ZBTB48: variants seen among roughly 807,000 people sequenced by gnomAD.
ZBTB48 encodes the protein zinc finger and BTB domain containing 48, also known as zinc finger and BTB domain-containing protein 48.
In ZBTB48, 35 loss-of-function variants were observed where a neutral mutation model predicts 64.5. The observed-to-expected ratio is 0.54, with a 90% CI of 0.41 to 0.72. The LOEUF is 0.72. Ranked by LOEUF, ZBTB48 falls within the 30% of genes least tolerant of loss-of-function variation. ZBTB48 has a pLI of 0.00. For missense variants in ZBTB48, 828 were observed against 895.3 expected (o/e 0.92, Z 0.96); for synonymous variants, 442 against 356.7 (o/e 1.24, Z -2.70).
rs1305090930 is a variant in ZBTB48, at chr1:6,582,103, A to G, written c.736A>G (p.Met246Val). The G allele has an allele frequency of 6.2e-7, 1 of 1,614,180 alleles. No homozygotes were observed. Among genetic ancestry groups the G allele is most frequent in the Non-Finnish European group, 8.5e-7 (1 of 1,180,032 alleles). The change falls in exon 3 of 11, where the codon ATG becomes GTG. Residue 246 changes from methionine to valine, a missense_variant. Coordinates refer to ENST00000377674, the MANE Select transcript of ZBTB48 (RefSeq NM_005341.4). ...QVEDDGDGDYMSEPEAVLTRR... is the reference protein window; with the variant it reads ...QVEDDGDGDYVSEPEAVLTRR... The stretch of plus-strand genomic sequence containing the variant: ...GGAGGATGATGGGGATGGCGATTAC[A>G]TGTCTGAGCCTGAGGCTGTGCTGAC...
At position 6,588,302 on chromosome 1, in the gene ZBTB48, C is replaced by G. The variant is rs1047989883; in HGVS notation, c.1541C>G (p.Thr514Ser). The G allele has an allele frequency of 6.2e-7, 1 of 1,608,068 alleles. No homozygotes were observed. The highest frequency in any genetic ancestry group is 8.5e-7 in the Non-Finnish European group (1 of 1,175,586). ...GCCAGCCTGGACAAGCACAACCGCA[C>G]CCACACCGGGGAAAGGCCCTTCAGT... is the stretch of plus-strand genomic sequence containing the variant. ...TQASLDKHNR[T>S]HTGERPFSCE... is the part of the protein sequence containing the mutation. Residue 514 changes from threonine (T) to serine (S), a missense_variant, in exon 9 of 11, where the codon ACC becomes AGC. Transcript: ENST00000377674.
chr1:6,583,704 G>A (rs961782443), intron 3 of ZBTB48, among the ~76,000 whole-genome samples: 1 of 150,862 alleles, frequency 6.6e-6, no homozygotes, highest in Middle Eastern at 3.2e-3. Flanking sequence ...AGGTTTAAGC[G>A]ATTCTCCTGC....
Position 6,588,439 on chromosome 1 carries a change from A to G in ZBTB48, c.1678A>G (p.Lys560Glu), listed in dbSNP as rs1640760056. 6.5e-7 allele frequency: 1 copy of G among 1,533,942 alleles called. No individual in the cohort carries two copies. The highest frequency in any genetic ancestry group is 1.2e-5 in the South Asian group (1 of 80,122). Residue 560 changes from lysine to glutamate, a missense_variant, in exon 9 of 11, where the codon AAA becomes GAA. Coordinates refer to ENST00000377674, the MANE Select transcript of ZBTB48 (RefSeq NM_005341.4). ...CTGCCAGATATGCGGCAAGACCTTC[A>G]AAGGTACCTGGGCGGCCCTGGGAGA... ...HFCQICGKTF[K>E]AVEQLRVHVR...
At position 6,586,034 on chromosome 1, in the gene ZBTB48, C is replaced by G; in HGVS notation, c.1044+4C>G. The G allele has an allele frequency of 6.2e-7, 1 of 1,614,048 alleles. No homozygotes were observed. The highest frequency in any genetic ancestry group is 8.5e-7 in the Non-Finnish European group (1 of 1,179,902). On this transcript the variant is annotated splice_donor_region_variant and intron_variant, in intron 4 of 10. Coordinates refer to ENST00000377674, the MANE Select transcript of ZBTB48 (RefSeq NM_005341.4). ...TTGCATGAACCGCTCGGAACAGGTA[C>G]TTGGGAGCTGGCCCAGGTACTTGTG...
chr1:6,589,276 T>C lies in ZBTB48; in HGVS notation c.*64T>C. ...CAATAAACCGTGTGGCTTTGGACTC[T>C]CGTATTTCAGCCTGACAGTCTGTTC... On this transcript the variant is annotated 3_prime_UTR_variant, in exon 11 of 11. Transcript: ENST00000377674. 3 of 1,457,026 alleles carry C rather than the reference T, an allele frequency of 2.1e-6. No homozygotes were observed. The highest frequency in any genetic ancestry group is 2.7e-6 in the Non-Finnish European group (3 of 1,110,922). 90.3% of individuals were successfully genotyped at this position (1,457,026 alleles called of 1,614,324 possible).
intron 3 of ZBTB48, among the ~76,000 whole-genome samples, chr1:6,582,994 G>A (rs949820904): frequency 1.4e-5 from 2 of 147,626 alleles, no homozygotes; most frequent in African/African-American, 5.0e-5. Flanking sequence ...TATGTTTTTT[G>A]TTTGTTTTTG....
intron 7 of ZBTB48, 34 bp downstream of exon 7, chr1:6,587,666 C>A: frequency 6.2e-7 from 1 of 1,609,164 alleles, no homozygotes; most frequent in South Asian, 1.1e-5. Context: ...GGGGCCCAGT[C>A]CTGCTGCCAG....
rs745832654 is a variant in ZBTB48 at position 6,588,086 on chromosome 1, T to G, written c.1406T>G (p.Phe469Cys). ...AATGAGAGGCCACACGTATGTGAGT[T>G]CTGCAGCCACGCCTTCACCCAAAAG... ...HRNERPHVCE[F>C]CSHAFTQKAN... The change falls in exon 8 of 11, where the codon TTC becomes TGC. Residue 469 changes from phenylalanine to cysteine, a missense_variant. Physicochemically the swap from Phe to Cys is radical, Grantham distance 205 (BLOSUM62 -2). Coordinates refer to ENST00000377674, the MANE Select transcript of ZBTB48 (RefSeq NM_005341.4). 1.9e-6 allele frequency: 3 copies of G among 1,614,120 alleles called. No individual in the cohort carries two copies. The highest frequency in any genetic ancestry group is 2.5e-6 in the Non-Finnish European group (3 of 1,180,032).
chr1:6,581,051 T>C lies in ZBTB48; in HGVS notation c.442T>C (p.Leu148=). Residue 148 remains leucine (L), a synonymous_variant, in exon 2 of 11, where the codon TTG becomes CTG. Transcript: ENST00000377674. ...VNSHVKEPAG[L]EEEEVSRTLG... ...CAGCCACGTCAAGGAGCCGGCAGGC[T>C]TGGAAGAAGAGGAAGTTTCGAGGAC... The C allele has an allele frequency of 6.2e-7, 1 of 1,613,240 alleles. No individual in the cohort carries two copies. The highest frequency in any genetic ancestry group is 8.5e-7 in the Non-Finnish European group (1 of 1,179,992).
At chr1:6,581,404 G>C (rs1448108998) in intron 2 of ZBTB48, 105 bp downstream of exon 2, 3 of 1,296,930 alleles carry the variant, frequency 2.3e-6, no homozygotes, top group East Asian at 2.5e-5. Flanking sequence ...ACTCACGCCT[G>C]TAATCCTAGC....
At chr1:6,586,169 T>C (rs1483134168) in intron 4 of ZBTB48, 139 bp downstream of exon 4, 23 of 814,220 alleles carry the variant, frequency 2.8e-5, no homozygotes, top group Non-Finnish European at 3.9e-5. Context: ...TTGGATGTCA[T>C]GAGGTCCATG....
rs967810419 is a variant in ZBTB48 at position 6,588,908 on chromosome 1, C to A, written c.1771-8C>A. 21 of 1,613,522 alleles carry A rather than the reference C, an allele frequency of 1.3e-5. No homozygotes were observed. The highest frequency in any genetic ancestry group is 2.7e-5 in the African/African-American group (2 of 74,952). On this transcript the variant is annotated splice_polypyrimidine_tract_variant and splice_region_variant and intron_variant, in intron 10 of 10. Transcript: ENST00000377674. Reference sequence around the variant, plus strand: ...CCCCCAAAGTTCTGAGCTCACCCTCCCCGCCAGGCCCACCTGCGGAGGCAC... The same window carrying A: ...CCCCCAAAGTTCTGAGCTCACCCTCACCGCCAGGCCCACCTGCGGAGGCAC...
intron 7 of ZBTB48, 29 bp downstream of exon 7, chr1:6,587,661 CCA>C (rs760457251): frequency 1.2e-6 from 2 of 1,610,090 alleles, no homozygotes; most frequent in Admixed American, 3.3e-5. Context: ...CTCTTGGGGC[CCA>C]GTCCTGCTGC....
chr1:6,582,332 G>A, intron 3 of ZBTB48, 33 bp downstream of exon 3: 1 of 1,597,568 alleles, frequency 6.3e-7, no homozygotes, highest in African/African-American at 1.3e-5. Context: ...TTCTTTTCCT[G>A]TCTGCCATTC....
chr1:6,585,625 C>T lies in ZBTB48; in HGVS notation c.933-294C>T, dbSNP rs950760625. On this transcript the variant is annotated intron_variant, in intron 3 of 10. Transcript: ENST00000377674. Reference sequence around the variant, plus strand: ...GAGTTGCTTCTCCAATAGTCAGGACCCAAGATCTGTTTCTGCCTTCAGACA... The same window carrying T: ...GAGTTGCTTCTCCAATAGTCAGGACTCAAGATCTGTTTCTGCCTTCAGACA... 13 of 387,378 alleles carry T rather than the reference C, an allele frequency of 3.4e-5. No homozygotes were observed. In the South Asian group the frequency reaches 3.8e-4, roughly 11 times the overall value. The allele number at this position is 387,378 out of a possible 1,614,324, so 24.0% of individuals were successfully genotyped here.
rs184474855 is a variant in ZBTB48, at chr1:6,584,283, T to C, written c.933-1636T>C. The stretch of plus-strand genomic sequence containing the variant: ...CAGTTCCTCAGATACGTTAGCCAAA[T>C]CTGAAGTGGTGAGGAACCACGTGTC... On this transcript the variant is annotated intron_variant, in intron 3 of 10. Coordinates refer to ENST00000377674, the MANE Select transcript of ZBTB48 (RefSeq NM_005341.4). The surrounding 1 kb of genome is among the most constrained non-coding windows in gnomAD (Gnocchi z 4.5). Among the ~76,000 whole-genome samples the C allele has an allele frequency of 1.3e-5, 2 of 152,366 alleles. No individual in the cohort carries two copies. Among genetic ancestry groups the C allele is most frequent in the Admixed American group, 6.5e-5 (1 of 15,304 alleles).
intron 9 of ZBTB48, 40 bp downstream of exon 9, chr1:6,588,482 C>T (rs759361480): frequency 1.4e-5 from 21 of 1,472,246 alleles, no homozygotes; most frequent in African/African-American, 1.1e-4. Flanking sequence ...CCTGCTCATC[C>T]GAGTTGGAGG....
At chr1:6,585,830 C>G in intron 3 of ZBTB48, 89 bp from the exon 4 acceptor site, 2 of 1,251,218 alleles carry the variant, frequency 1.6e-6, no homozygotes, top group Non-Finnish European at 2.3e-6. Context: ...AACACTTGTT[C>G]CCCTTAGAAG....
At position 6,582,228 on chromosome 1, in the gene ZBTB48, A is replaced by G; in HGVS notation, c.861A>G (p.Thr287=). The change falls in exon 3 of 11, where the codon ACA becomes ACG. Residue 287 remains threonine (T), a synonymous_variant. Transcript: ENST00000377674. ...AAEPAENRKG[T]AVPVECPTCH... ...AGCCTGCTGAGAACAGAAAAGGTAC[A>G]GCGGTGCCGGTCGAATGCCCCACAT... 1.2e-6 allele frequency: 2 copies of G among 1,614,202 alleles called. No individual in the cohort carries two copies. Among genetic ancestry groups the G allele is most frequent in the Non-Finnish European group, 1.7e-6 (2 of 1,180,028 alleles).
Sources: gnomAD v4.1 joint callset for allele counts (sites outside exome capture counted in the v4.1 genomes callset) on GRCh38, gnomAD v4.1.1 for gene constraint, Gnocchi (gnomAD v3.1) non-coding constraint, MANE v1.5 for transcripts, NCBI Gene and HGNC (gene_info 2026-07-23, HGNC 2026-07-21) for gene names.